The following ARHGEF38 variants were observed in gnomAD, a reference collection of about 807,000 sequenced individuals.
The protein encoded by ARHGEF38 is Rho guanine nucleotide exchange factor 38.
A neutral mutation model predicts 79.9 loss-of-function variants in ARHGEF38; 79 were observed. The observed-to-expected ratio is 0.99, with a 90% confidence interval of 0.82 to 1.19. The LOEUF (loss-of-function observed/expected upper bound fraction) is 1.19. Among genes scored for constraint, ARHGEF38 ranks in the 50% most tolerant of loss-of-function variants. The pLI, the probability that ARHGEF38 is intolerant of heterozygous loss-of-function variation, is 0.00. For missense variants in ARHGEF38, 962 were observed against 907.2 expected, an observed-to-expected ratio of 1.06 and a Z score of -0.78; for synonymous variants, 366 against 328.3, an observed-to-expected ratio of 1.11 and a Z score of -1.24.
chr4:105,678,960 A>AC lies in ARHGEF38; in HGVS notation c.*1025dup, dbSNP rs555996838. 627 of 219,362 alleles carry AC rather than the reference A, an allele frequency of 2.9e-3. 5 individuals carry two copies. Among genetic ancestry groups the AC allele is most frequent in the African/African-American group, 0.013 (578 of 42,862 alleles). The allele number at this position is 219,362 out of a possible 1,614,324, so 13.6% of individuals were successfully genotyped here. A position where few individuals can be genotyped will look rare whatever the true frequency, so the allele number is the denominator to read the frequency against. On this transcript the variant is annotated 3_prime_UTR_variant, in exon 14 of 14. Transcript: ENST00000420470. ...ACTTCTTTGCAAATAGTAGACACAT[A>AC]CCTCAACAATGATGACCTAATTTTT...
chr4:105,612,177 C>G (rs1012643480), intron 2 of ARHGEF38, among the ~76,000 whole-genome samples: 1 of 151,996 alleles, frequency 6.6e-6, no homozygotes, highest in African/African-American at 2.4e-5. Context: ...TTCTTCCTTA[C>G]CCCTTGAATA....
At chr4:105,583,595 C>A (rs900327312) in intron 1 of ARHGEF38, among the ~76,000 whole-genome samples, 24 of 152,188 alleles carry the variant, frequency 1.6e-4, no homozygotes, top group Non-Finnish European at 5.9e-5. Flanking sequence ...TTCCTAGCAG[C>A]TTTCATAGCA....
intron 1 of ARHGEF38, among the ~76,000 whole-genome samples, chr4:105,571,034 A>G (rs1364977985): frequency 6.6e-6 from 1 of 152,202 alleles, no homozygotes; most frequent in East Asian, 1.9e-4. Flanking sequence ...AGAAATGCAT[A>G]AGTATTGTTT....
At chr4:105,566,031 C>G (rs1269099177) in intron 1 of ARHGEF38, among the ~76,000 whole-genome samples, 1 of 152,164 alleles carries the variant, frequency 6.6e-6, no homozygotes, top group Non-Finnish European at 1.5e-5. Flanking sequence ...CAGGCTTCCT[C>G]CTCACCCTCC....
intron 2 of ARHGEF38, among the ~76,000 whole-genome samples, chr4:105,607,696 G>T (rs1338122428): frequency 6.6e-6 from 1 of 152,066 alleles, no homozygotes; most frequent in African/African-American, 2.4e-5. Context: ...CCTAGAGAAA[G>T]TAACATTTTG....
intron 1 of ARHGEF38, among the ~76,000 whole-genome samples, chr4:105,578,548 G>T (rs551558920): frequency 6.6e-6 from 1 of 152,194 alleles, no homozygotes; most frequent in East Asian, 1.9e-4. Context: ...TTATTGTGTT[G>T]CTGTCTTAGG....
At chr4:105,594,775 G>A (rs1727504592) in intron 2 of ARHGEF38, among the ~76,000 whole-genome samples, 1 of 152,146 alleles carries the variant, frequency 6.6e-6, no homozygotes, top group South Asian at 2.1e-4. Flanking sequence ...TTCTATGTCA[G>A]ACCTTTACCG....
chr4:105,637,085 T>C (rs576007269), intron 5 of ARHGEF38, among the ~76,000 whole-genome samples: 3 of 152,270 alleles, frequency 2.0e-5, no homozygotes, highest in Admixed American at 2.0e-4. Flanking sequence ...ACCAGGCACA[T>C]GTTTGGCTTA....
chr4:105,578,637 C>T (rs76824776), intron 1 of ARHGEF38, among the ~76,000 whole-genome samples: 60 of 152,014 alleles, frequency 3.9e-4, no homozygotes, highest in Non-Finnish European at 4.4e-5. Context: ...ATCTTCCTGT[C>T]GAAATTATCC....
At chr4:105,624,113 C>T (rs1197481287) in intron 3 of ARHGEF38, among the ~76,000 whole-genome samples, 1 of 152,154 alleles carries the variant, frequency 6.6e-6, no homozygotes, top group Non-Finnish European at 1.5e-5. Flanking sequence ...CTCTCATTCC[C>T]TCCTAAACCC....
intron 1 of ARHGEF38, among the ~76,000 whole-genome samples, chr4:105,566,939 G>A (rs1337751918): frequency 6.6e-6 from 1 of 152,064 alleles, no homozygotes; most frequent in Admixed American, 6.6e-5. Flanking sequence ...TTTTAGTAGA[G>A]ACAAGATTTC....
chr4:105,587,301 C>T (rs1304731711), intron 1 of ARHGEF38, among the ~76,000 whole-genome samples: 1 of 152,148 alleles, frequency 6.6e-6, no homozygotes, highest in Admixed American at 6.5e-5. Flanking sequence ...AAGTGAGAAC[C>T]TGTTTCTGAA....
At chr4:105,657,389 T>C (rs544938104) in intron 9 of ARHGEF38, among the ~76,000 whole-genome samples, 93 of 152,312 alleles carry the variant, frequency 6.1e-4, no homozygotes, top group Admixed American at 1.4e-3. Context: ...AAGTAACTTT[T>C]ATGGATAACA....
intron 2 of ARHGEF38, among the ~76,000 whole-genome samples, chr4:105,608,310 A>G (rs1229091177): frequency 1.3e-5 from 2 of 152,044 alleles, no homozygotes; most frequent in Non-Finnish European, 2.9e-5. Flanking sequence ...CATTTGTCTG[A>G]TGATAGTGAT....
chr4:105,631,171 T>C lies in ARHGEF38; in HGVS notation c.656+126T>C, dbSNP rs565361044. 174 of 1,327,752 alleles carry C rather than the reference T, an allele frequency of 1.3e-4. No homozygotes were observed. In the East Asian group the frequency reaches 4.9e-3, roughly 37 times the overall value. 82.2% of individuals were successfully genotyped at this position (1,327,752 alleles called of 1,614,324 possible). A position where few individuals can be genotyped will look rare whatever the true frequency, so the allele number is the denominator to read the frequency against. On this transcript the variant is annotated intron_variant, in intron 4 of 13. Coordinates refer to ENST00000420470, the MANE Select transcript of ARHGEF38 (RefSeq NM_001242729.2). ...TTATGAGACTTGCTGGGAGCTCTGCTTTGCATTCCCTTTATAAAAAGCTGA... is the reference window on the plus strand; with the variant it reads ...TTATGAGACTTGCTGGGAGCTCTGCCTTGCATTCCCTTTATAAAAAGCTGA...
At chr4:105,559,461 G>A (rs1676845667) in intron 1 of ARHGEF38, among the ~76,000 whole-genome samples, 2 of 152,214 alleles carry the variant, frequency 1.3e-5, no homozygotes, top group African/African-American at 2.4e-5. Context: ...TCCTCTGGGT[G>A]GGAAAGCTGG....
At chr4:105,572,760 T>C (rs1330846215) in intron 1 of ARHGEF38, among the ~76,000 whole-genome samples, 2 of 152,336 alleles carry the variant, frequency 1.3e-5, no homozygotes, top group East Asian at 3.9e-4. Flanking sequence ...TTTCTGAATA[T>C]TACACATTTT....
chr4:105,582,808 C>T (rs1423542543), intron 1 of ARHGEF38, among the ~76,000 whole-genome samples: 1 of 152,176 alleles, frequency 6.6e-6, no homozygotes, highest in African/African-American at 2.4e-5. Context: ...TTTTGCTTCA[C>T]ATGTTTTGAA....
At position 105,679,422 on chromosome 4, in the gene ARHGEF38, C is replaced by T; in HGVS notation, c.*1485C>T. ...ACTATTCAGCTTTCTAAGTTCTTTCCAAGCACAGCTGACATCCTGTATTTC... is the reference window on the plus strand; with the variant it reads ...ACTATTCAGCTTTCTAAGTTCTTTCTAAGCACAGCTGACATCCTGTATTTC... On this transcript the variant is annotated 3_prime_UTR_variant, in exon 14 of 14. Coordinates refer to ENST00000420470, the MANE Select transcript of ARHGEF38 (RefSeq NM_001242729.2). The T allele has an allele frequency of 6.3e-7, 1 of 1,583,366 alleles. No individual in the cohort carries two copies. Among genetic ancestry groups the T allele is most frequent in the Non-Finnish European group, 8.7e-7 (1 of 1,154,610 alleles).
Sources: allele counts gnomAD v4.1 joint callset (sites outside exome capture counted in the v4.1 genomes callset), GRCh38; gene constraint gnomAD v4.1.1; transcripts MANE v1.5; gene names NCBI Gene and HGNC (gene_info 2026-07-23, HGNC 2026-07-21).